Variants in TOMM70 observed in about 807,000 individuals in gnomAD.
TOMM70 encodes the protein translocase of outer mitochondrial membrane 70.
In TOMM70, 13 loss-of-function variants were observed where a neutral mutation model predicts 73.6. The observed-to-expected ratio is 0.18, with a 90% confidence interval of 0.11 to 0.28. The LOEUF is 0.28. Among genes scored for constraint, TOMM70 ranks in the 10% least tolerant of loss-of-function variants. The probability of loss-of-function intolerance (pLI) is 1.00; values close to 1 mark genes in which losing one functional copy is unlikely to be tolerated. For missense variants in TOMM70, 609 were observed against 747.5 expected (o/e 0.81, Z 2.16); for synonymous variants, 257 against 271.2 (o/e 0.95, Z 0.51).
rs1192781133 is a variant in TOMM70, at chr3:100,372,710, A to G, written c.1348T>C (p.Tyr450His). The G allele has an allele frequency of 1.2e-6, 2 of 1,613,634 alleles. No individual in the cohort carries two copies. Among genetic ancestry groups the G allele is most frequent in the African/African-American group, 2.7e-5 (2 of 74,922 alleles). ...ATTTGTGAAGAGTTGTTTCCCGTAT[A>G]TGCCTGGCGGTACTATAAAAAATCA... is the stretch of plus-strand genomic sequence containing the variant. ...QKCFALYRQA[Y>H]TGNNSSQIQA... Residue 450 changes from tyrosine to histidine, a missense_variant, in exon 9 of 12, where the codon TAT becomes CAT. Tyr to His is a moderately conservative substitution (Grantham distance 83). This residue lies in a region of TOMM70 where 432 missense variants were observed against 584.1 expected (regional missense o/e 0.74). Coordinates refer to ENST00000284320, the MANE Select transcript of TOMM70 (RefSeq NM_014820.5).
intron 8 of TOMM70, among the ~76,000 whole-genome samples, chr3:100,372,975 G>A (rs1468707736): frequency 6.6e-6 from 1 of 152,122 alleles, no homozygotes; most frequent in Non-Finnish European, 1.5e-5. Context: ...TAATTTGTAA[G>A]AAGTGAACTT....
At chr3:100,397,541 G>C (rs1408078899) in intron 1 of TOMM70, among the ~76,000 whole-genome samples, 1 of 152,206 alleles carries the variant, frequency 6.6e-6, no homozygotes, top group Admixed American at 6.5e-5. Context: ...AGCAGTTTAA[G>C]TTACACAAAG....
At chr3:100,385,122 G>A (rs1289369022) in intron 3 of TOMM70, among the ~76,000 whole-genome samples, 2 of 152,198 alleles carry the variant, frequency 1.3e-5, no homozygotes, top group Non-Finnish European at 2.9e-5. Flanking sequence ...AACAATGGAC[G>A]TCTCGTCTCT....
At chr3:100,398,428 T>C (rs1399185993) in intron 1 of TOMM70, among the ~76,000 whole-genome samples, 1 of 151,536 alleles carries the variant, frequency 6.6e-6, no homozygotes, top group Non-Finnish European at 1.5e-5. Flanking sequence ...ATAGAAACTA[T>C]CTTTATTTTT....
intron 1 of TOMM70, 97 bp downstream of exon 1, chr3:100,400,529 G>T: frequency 1.4e-6 from 2 of 1,404,918 alleles, no homozygotes; most frequent in Non-Finnish European, 2.0e-6. Flanking sequence ...CCGCTTGGCA[G>T]CTTCCGTCTG....
In TOMM70 at chr3:100,365,110, C is replaced by A. The variant is rs547632588; in HGVS notation, c.*454G>T. Reference sequence around the variant, plus strand: ...ACCTTTGTTTCTTTCAAAAAATCAACTGAAAGCGGTTAACTGAATATAAAT... The same window carrying A: ...ACCTTTGTTTCTTTCAAAAAATCAAATGAAAGCGGTTAACTGAATATAAAT... On this transcript the variant is annotated 3_prime_UTR_variant, in exon 12 of 12. Transcript: ENST00000284320. 1 of 153,094 alleles carries A rather than the reference C, an allele frequency of 6.5e-6. No homozygotes were observed. The highest frequency in any genetic ancestry group is 1.9e-4 in the East Asian group (1 of 5,202). The allele number at this position is 153,094 out of a possible 1,614,324, so 9.5% of individuals were successfully genotyped here.
At position 100,381,743 on chromosome 3, in the gene TOMM70, T is replaced by C; in HGVS notation, c.756A>G (p.Pro252=). The change falls in exon 5 of 12, where the codon CCA becomes CCG. Residue 252 remains proline (P), a synonymous_variant. Coordinates refer to ENST00000284320, the MANE Select transcript of TOMM70 (RefSeq NM_014820.5). ...EKYKNREPLM[P]SPQFIKSYFS... is the part of the protein sequence containing the mutation. ...AGTAAGATTTGATAAACTGTGGAGA[T>C]GGCATCAGAGGTTCACGATTCTGAA... The C allele has an allele frequency of 6.2e-7, 1 of 1,603,804 alleles. No individual in the cohort carries two copies. Among genetic ancestry groups the C allele is most frequent in the Non-Finnish European group, 8.5e-7 (1 of 1,174,094 alleles).
At chr3:100,370,232 C>T (rs911977845) in intron 9 of TOMM70, among the ~76,000 whole-genome samples, 10 of 152,124 alleles carry the variant, frequency 6.6e-5, no homozygotes, top group African/African-American at 2.4e-4. Flanking sequence ...ATTTTTCTAT[C>T]TCTATTTACT....
At chr3:100,395,141 A>T (rs7626970) in intron 1 of TOMM70, among the ~76,000 whole-genome samples, 2 of 152,052 alleles carry the variant, frequency 1.3e-5, no homozygotes, top group African/African-American at 4.8e-5. Flanking sequence ...AGGCCGAGGC[A>T]GGCAGAGCAT....
chr3:100,367,304 T>C (rs1316389915), intron 11 of TOMM70, among the ~76,000 whole-genome samples: 1 of 152,134 alleles, frequency 6.6e-6, no homozygotes, highest in Non-Finnish European at 1.5e-5. Flanking sequence ...CCAGCCTATA[T>C]ATATTCTGCC....
chr3:100,365,607 G>A lies in TOMM70; in HGVS notation c.1784C>T (p.Thr595Ile), dbSNP rs182755533. Residue 595 changes from threonine to isoleucine, a missense_variant, in exon 12 of 12, where the codon ACA (threonine) becomes ATA (isoleucine). Thr to Ile is a moderately conservative substitution (Grantham distance 89). Around this residue, in one of 2 missense-constraint regions of TOMM70, gnomAD observed 432 missense variants for 584.1 expected, o/e 0.74. Coordinates refer to ENST00000284320, the MANE Select transcript of TOMM70 (RefSeq NM_014820.5). ...TAATCCGTATTTCTTTGCAACTTCT[G>A]TCTGGGCATGGGCGGCATCGCAAAG... ...YSLCDAAHAQ[T>I]EVAKKYGLKP... 1 of 1,614,082 alleles carries A rather than the reference G, an allele frequency of 6.2e-7. No individual in the cohort carries two copies. Among genetic ancestry groups the A allele is most frequent in the African/African-American group, 1.3e-5 (1 of 74,934 alleles).
At chr3:100,392,862 C>T (rs1706778916) in intron 1 of TOMM70, among the ~76,000 whole-genome samples, 1 of 152,120 alleles carries the variant, frequency 6.6e-6, no homozygotes, top group African/African-American at 2.4e-5. Flanking sequence ...ATGTTTATTG[C>T]AGCACAATTC....
chr3:100,384,363 G>C, intron 4 of TOMM70, 116 bp downstream of exon 4: 2 of 627,638 alleles, frequency 3.2e-6, no homozygotes, highest in African/African-American at 1.8e-5. Flanking sequence ...ATATAACCCA[G>C]TTCTAATTGC....
chr3:100,400,950 G>A lies in TOMM70; in HGVS notation c.-1C>T. The A allele has an allele frequency of 2.0e-6, 3 of 1,529,478 alleles. No homozygotes were observed. The highest frequency in any genetic ancestry group is 1.4e-5 in the African/African-American group (1 of 71,922). 94.7% of individuals were successfully genotyped at this position (1,529,478 alleles called of 1,614,324 possible). On this transcript the variant is annotated 5_prime_UTR_variant, in exon 1 of 12. Transcript: ENST00000284320. ...CCTCCACAGGTTTAGAGGCGGCCAT[G>A]ACAAGTGTCCTCTGCCACCGCCTCC...
At chr3:100,365,855 T>G in intron 11 of TOMM70, 138 bp from the exon 12 acceptor site, 5 of 974,682 alleles carry the variant, frequency 5.1e-6, no homozygotes, top group Non-Finnish European at 6.0e-6. Flanking sequence ...TGATGCTACA[T>G]GAAGTCTGAC....
At chr3:100,380,927 C>G (rs1706626675) in intron 5 of TOMM70, among the ~76,000 whole-genome samples, 1 of 152,134 alleles carries the variant, frequency 6.6e-6, no homozygotes, top group Non-Finnish European at 1.5e-5. Context: ...GCTACTAGAA[C>G]AGTATTTCCT....
chr3:100,371,459 G>A (rs1706509087), intron 9 of TOMM70, among the ~76,000 whole-genome samples: 1 of 148,406 alleles, frequency 6.7e-6, no homozygotes, highest in Non-Finnish European at 1.5e-5. Flanking sequence ...TAGAGATGGG[G>A]TTTCTCCATG....
At chr3:100,375,303 G>A in intron 6 of TOMM70, 151 bp from the exon 7 acceptor site, 1 of 904,746 alleles carries the variant, frequency 1.1e-6, no homozygotes, top group Non-Finnish European at 1.6e-6. Context: ...TATTCACTAA[G>A]TTGTGTGTTG....
intron 9 of TOMM70, among the ~76,000 whole-genome samples, chr3:100,371,061 A>G (rs1372600056): frequency 6.6e-6 from 1 of 152,180 alleles, no homozygotes; most frequent in African/African-American, 2.4e-5. Context: ...TGTACACTTT[A>G]ATGTAGTTAT....
Sources: gnomAD v4.1 joint callset for allele counts (sites outside exome capture counted in the v4.1 genomes callset) on GRCh38, gnomAD v4.1.1 for gene constraint, gnomAD v4.1.1 regional missense constraint, MANE v1.5 for transcripts, NCBI Gene and HGNC (gene_info 2026-07-23, HGNC 2026-07-21) for gene names.